The following SLC4A4 variants were observed in gnomAD, a reference collection of about 807,000 sequenced individuals.
The protein encoded by SLC4A4 is electrogenic sodium bicarbonate cotransporter 1.
Under a neutral mutation model 111.5 loss-of-function variants are expected in SLC4A4, and 27 were observed. The ratio of observed to expected loss-of-function variants is 0.24; its 90% CI spans 0.18 to 0.33. The LOEUF is 0.33. Among genes scored for constraint, SLC4A4 ranks in the 10% least tolerant of loss-of-function variants. The pLI, the probability that SLC4A4 is intolerant of heterozygous loss-of-function variation, is 1.00. For synonymous variants in SLC4A4, 443 were observed against 463.4 expected (o/e 0.96, Z 0.57); for missense variants, 909 against 1,315.5 (o/e 0.69, Z 4.78).
chr4:71,146,323 T>C (rs6811625), intron 2 of SLC4A4, among the ~76,000 whole-genome samples: 19,234 of 151,930 alleles, frequency 0.13, 1,344 homozygotes, highest in East Asian at 0.28. Flanking sequence ...CAGTTTGTTA[T>C]AATTTCTGTT....
intron 14 of SLC4A4, among the ~76,000 whole-genome samples, chr4:71,473,834 A>T (rs1356081157): frequency 6.6e-6 from 1 of 151,874 alleles, no homozygotes; most frequent in Non-Finnish European, 1.5e-5. Flanking sequence ...ATTGTTTTAG[A>T]TCTTCTCTCA....
chr4:71,138,803 A>C (rs940773926), intron 2 of SLC4A4, among the ~76,000 whole-genome samples: 1 of 151,918 alleles, frequency 6.6e-6, no homozygotes, highest in Non-Finnish European at 1.5e-5. Context: ...TTGGGAGGCC[A>C]AGGAGGGCGG....
At chr4:71,218,240 C>A (rs1222554670) in intron 1 of SLC4A4, among the ~76,000 whole-genome samples, 2 of 152,118 alleles carry the variant, frequency 1.3e-5, no homozygotes, top group Non-Finnish European at 2.9e-5. Context: ...ATGAGAAAAG[C>A]AAATGCAAAA....
intron 6 of SLC4A4, among the ~76,000 whole-genome samples, chr4:71,393,860 ATACT>A (rs1280868137): frequency 6.6e-6 from 1 of 152,158 alleles, no homozygotes; most frequent in African/African-American, 2.4e-5. Flanking sequence ...ATAAACCCAA[ATACT>A]TACAACCAAC....
At chr4:71,090,640 C>T (rs889934289) in intron 1 of SLC4A4, among the ~76,000 whole-genome samples, 3 of 152,308 alleles carry the variant, frequency 2.0e-5, no homozygotes, top group Non-Finnish European at 4.4e-5. Flanking sequence ...TGTATTACTG[C>T]TCTTTGTAGG....
chr4:71,240,345 T>C (rs1252068377), intron 2 of SLC4A4, among the ~76,000 whole-genome samples: 1 of 152,230 alleles, frequency 6.6e-6, no homozygotes, highest in Non-Finnish European at 1.5e-5. Context: ...CAGCAGGCCT[T>C]GGCAACTCTG....
Position 71,544,745 on chromosome 4 carries a change from A to C in SLC4A4, c.2443-1605A>C, listed in dbSNP as rs1319181811. Among the ~76,000 whole-genome samples, 4 of 152,072 alleles carry C rather than the reference A, an allele frequency of 2.6e-5. No individual in the cohort carries two copies. The East Asian group carries it at 5.8e-4, about 22-fold the overall frequency. On this transcript the variant is annotated intron_variant, in intron 18 of 25. Transcript: ENST00000264485. ...CCTCCAGTGGTTTCCCATTATACTCATTCTACAAGCCTAGGTTCTGATAGT... is the reference window on the plus strand; with the variant it reads ...CCTCCAGTGGTTTCCCATTATACTCCTTCTACAAGCCTAGGTTCTGATAGT...
chr4:71,451,916 T>G lies in SLC4A4; in HGVS notation c.1322+615T>G, dbSNP rs1326401284. 3.3e-5 allele frequency among the ~76,000 whole-genome samples: 5 copies of G among 152,212 alleles called. No individual in the cohort carries two copies. In the East Asian group the frequency reaches 9.6e-4, roughly 29 times the overall value. On this transcript the variant is annotated intron_variant, in intron 11 of 25. Coordinates refer to ENST00000264485, the MANE Select transcript of SLC4A4 (RefSeq NM_001098484.3). ...AGTAGCATGATATAGGAATGAGTTC[T>G]CACTGTTCTGCCTCCTTAGCCTGCA... is the stretch of plus-strand genomic sequence containing the variant.
intron 6 of SLC4A4, 135 bp downstream of exon 6, chr4:71,357,322 A>G: frequency 1.1e-6 from 1 of 870,644 alleles, no homozygotes; most frequent in Non-Finnish European, 1.8e-6. Context: ...GTCATTTCAT[A>G]TTGACATTTT....
At chr4:71,492,885 A>T (rs942722038) in intron 15 of SLC4A4, among the ~76,000 whole-genome samples, 1 of 152,056 alleles carries the variant, frequency 6.6e-6, no homozygotes, top group Middle Eastern at 3.4e-3. Context: ...TCTTCTGACC[A>T]TCTGATCTTC....
intron 3 of SLC4A4, among the ~76,000 whole-genome samples, chr4:71,257,333 A>G (rs2149063567): frequency 6.6e-6 from 1 of 152,330 alleles, no homozygotes; most frequent in East Asian, 1.9e-4. Context: ...ATTTATAAGT[A>G]TGCATTTTAC....
At chr4:71,408,333 T>G (rs1721058056) in intron 7 of SLC4A4, among the ~76,000 whole-genome samples, 1 of 152,208 alleles carries the variant, frequency 6.6e-6, no homozygotes, top group African/African-American at 2.4e-5. Context: ...TCTGAACTGC[T>G]TTTTCTACTG....
At chr4:71,485,980 T>C (rs1729361548) in intron 14 of SLC4A4, among the ~76,000 whole-genome samples, 1 of 151,530 alleles carries the variant, frequency 6.6e-6, no homozygotes, top group Admixed American at 6.6e-5. Flanking sequence ...TAAAGGTTTA[T>C]ATAGGCAGGA....
rs530466320 is a variant in SLC4A4, at chr4:71,293,239, CT to C, written c.253+37842del. Reference sequence around the variant, plus strand: ...CCACAACTTAAAAACAAATCACTTGCTTAGGAGAAACACAAGTATTATCAAC... The same window carrying C: ...CCACAACTTAAAAACAAATCACTTGCTAGGAGAAACACAAGTATTATCAAC... On this transcript the variant is annotated intron_variant, in intron 3 of 25. Transcript: ENST00000264485. 3.4e-3 allele frequency among the ~76,000 whole-genome samples: 514 copies of C among 151,226 alleles called. 4 individuals are homozygous for C. Among genetic ancestry groups the C allele is most frequent in the African/African-American group, 0.012 (497 of 41,252 alleles).
chr4:71,093,983 A>G (rs1742462741), intron 2 of SLC4A4, among the ~76,000 whole-genome samples: 3 of 152,196 alleles, frequency 2.0e-5, no homozygotes. Flanking sequence ...TTTAACCAGC[A>G]GTTGGTGTTG....
intron 3 of SLC4A4, among the ~76,000 whole-genome samples, chr4:71,310,604 G>A (rs1468594212): frequency 2.0e-5 from 3 of 152,136 alleles, no homozygotes; most frequent in Non-Finnish European, 4.4e-5. Context: ...CATAAGCAAA[G>A]GAGAAATAAA....
At chr4:71,505,235 G>A (rs1463045060) in intron 16 of SLC4A4, among the ~76,000 whole-genome samples, 4 of 151,350 alleles carry the variant, frequency 2.6e-5, no homozygotes, top group Admixed American at 2.0e-4. Context: ...TATTCCTTTG[G>A]GTGTATATCC....
At chr4:71,497,026 T>C (rs1051969586) in intron 15 of SLC4A4, among the ~76,000 whole-genome samples, 2 of 152,150 alleles carry the variant, frequency 1.3e-5, no homozygotes, top group Non-Finnish European at 1.5e-5. Flanking sequence ...GTTGTGAAAG[T>C]GCTTGGTGAG....
chr4:71,209,516 G>A (rs1717999062), intron 1 of SLC4A4, among the ~76,000 whole-genome samples: 1 of 152,164 alleles, frequency 6.6e-6, no homozygotes, highest in Non-Finnish European at 1.5e-5. Context: ...TAATAAAGAT[G>A]TATCATAAAA....
Sources: gnomAD v4.1 joint callset for allele counts (sites outside exome capture counted in the v4.1 genomes callset) on GRCh38, gnomAD v4.1.1 for gene constraint, MANE v1.5 for transcripts, NCBI Gene and HGNC (gene_info 2026-07-23, HGNC 2026-07-21) for gene names.